PLEKHM3: variants seen among roughly 807,000 people sequenced by gnomAD.
PLEKHM3 encodes pleckstrin homology domain-containing family M member 3.
Under a neutral mutation model 81.8 loss-of-function variants are expected in PLEKHM3, and 45 were observed. The ratio of observed to expected loss-of-function variants is 0.55; its 90% confidence interval spans 0.43 to 0.71. PLEKHM3 has a LOEUF of 0.71. Ranked by LOEUF, PLEKHM3 falls within the 30% of genes least tolerant of loss-of-function variation. PLEKHM3 has a pLI of 0.00. For missense variants in PLEKHM3, 788 were observed against 924.3 expected (o/e 0.85, Z 1.91); for synonymous variants, 352 against 356.4 (o/e 0.99, Z 0.14).
intron 6 of PLEKHM3, among the ~76,000 whole-genome samples, chr2:207,867,164 G>A (rs115335545): frequency 6.6e-6 from 1 of 152,210 alleles, no homozygotes; most frequent in Non-Finnish European, 1.5e-5. Context: ...AGGTTGTCTT[G>A]TGTCGCAAAC....
chr2:207,899,548 C>T (rs982372262), intron 6 of PLEKHM3, among the ~76,000 whole-genome samples: 4 of 152,198 alleles, frequency 2.6e-5, no homozygotes, highest in South Asian at 2.1e-4. Context: ...AAACACCCAG[C>T]GAGGGGCTTG....
chr2:207,923,905 A>ATATATATAT (rs1396762429), intron 5 of PLEKHM3, among the ~76,000 whole-genome samples: 8 of 28,346 alleles, frequency 2.8e-4, no homozygotes, highest in South Asian at 1.7e-3. Flanking sequence ...ATATATATAT[A>ATATATATAT]TTTTTTTTTT....
chr2:207,998,014 G>A (rs1271613367), intron 2 of PLEKHM3, among the ~76,000 whole-genome samples: 2 of 152,114 alleles, frequency 1.3e-5, no homozygotes, highest in Non-Finnish European at 1.5e-5. Context: ...TGAGAATACC[G>A]GCCTCAGAAT....
intron 7 of PLEKHM3, among the ~76,000 whole-genome samples, chr2:207,829,673 G>C (rs1271711679): frequency 1.3e-5 from 2 of 152,114 alleles, no homozygotes; most frequent in African/African-American, 2.4e-5. Context: ...CTTCCACGAG[G>C]GTAACAGGCA....
At position 207,935,418 on chromosome 2, in the gene PLEKHM3, C is replaced by T. The variant is rs576151088; in HGVS notation, c.1693-4299G>A. On this transcript the variant is annotated intron_variant, in intron 4 of 7. Transcript: ENST00000427836. ...CCCACTCACCAACCAGAAGAAAGGG[C>T]GTCTTTCTCTACCTTGCTGCATCCT... Among the ~76,000 whole-genome samples, 43 of 152,302 alleles carry T rather than the reference C, an allele frequency of 2.8e-4. No homozygotes were observed. In the South Asian group the frequency reaches 2.9e-3, roughly 10 times the overall value.
intron 1 of PLEKHM3, among the ~76,000 whole-genome samples, chr2:208,022,767 A>G (rs1035527732): frequency 6.6e-6 from 1 of 152,216 alleles, no homozygotes; most frequent in Non-Finnish European, 1.5e-5. Context: ...CCACCCAGAA[A>G]ATCTCACCAT....
At chr2:207,841,886 T>C (rs963170108) in intron 7 of PLEKHM3, among the ~76,000 whole-genome samples, 2 of 152,154 alleles carry the variant, frequency 1.3e-5, no homozygotes, top group Admixed American at 6.5e-5. Context: ...GAAGTTAAAT[T>C]CTATATAATT....
At chr2:207,953,161 G>A (rs901885201) in intron 3 of PLEKHM3, among the ~76,000 whole-genome samples, 28 of 106,332 alleles carry the variant, frequency 2.6e-4, no homozygotes, top group Non-Finnish European at 4.9e-4. Flanking sequence ...TTGCTAATGC[G>A]GATAGTATGG....
In PLEKHM3 at chr2:207,978,158, C is replaced by T. The variant is rs980469958; in HGVS notation, c.611-572G>A. Among the ~76,000 whole-genome samples the T allele has an allele frequency of 8.1e-5, 10 of 123,492 alleles. No individual in the cohort carries two copies. In the South Asian group the frequency reaches 9.0e-4, roughly 11 times the overall value. The allele number at this position is 123,492 out of a possible 152,430, so 81.0% of individuals were successfully genotyped here. ...ACAAGAATAAGTATGGGGCATGGAACGTGCAACATCAACGGAGCGTGCAAC... is the reference window on the plus strand; with the variant it reads ...ACAAGAATAAGTATGGGGCATGGAATGTGCAACATCAACGGAGCGTGCAAC... On this transcript the variant is annotated intron_variant, in intron 2 of 7. Transcript: ENST00000427836.
chr2:207,868,062 A>T lies in PLEKHM3; in HGVS notation c.1951-6800T>A, dbSNP rs151046723. Among the ~76,000 whole-genome samples, 1,103 of 152,292 alleles carry T rather than the reference A, an allele frequency of 7.2e-3. 11 individuals carry two copies. Among genetic ancestry groups the T allele is most frequent in the African/African-American group, 0.025 (1,039 of 41,560 alleles). On this transcript the variant is annotated intron_variant, in intron 6 of 7. Coordinates refer to ENST00000427836, the MANE Select transcript of PLEKHM3 (RefSeq NM_001080475.3). ...TACACAACAGTGAGAAAAGTCAGACATTTGAACTCTGCTATGTCAACCCTA... is the reference window on the plus strand; with the variant it reads ...TACACAACAGTGAGAAAAGTCAGACTTTTGAACTCTGCTATGTCAACCCTA...
At chr2:207,974,497 G>C (rs1255472379) in intron 3 of PLEKHM3, among the ~76,000 whole-genome samples, 3 of 152,090 alleles carry the variant, frequency 2.0e-5, no homozygotes, top group Non-Finnish European at 2.9e-5. Flanking sequence ...TCTTGATTCA[G>C]CTACTCCAAT....
intron 7 of PLEKHM3, among the ~76,000 whole-genome samples, chr2:207,838,817 A>G (rs2092334136): frequency 6.6e-6 from 1 of 152,174 alleles, no homozygotes. Context: ...CATTTCTACC[A>G]TTTCTGGGAA....
chr2:207,877,933 T>C (rs2092567329), intron 6 of PLEKHM3, among the ~76,000 whole-genome samples: 2 of 152,114 alleles, frequency 1.3e-5, no homozygotes, highest in African/African-American at 4.8e-5. Context: ...GTCACTGCTC[T>C]AGGCTTTTAT....
chr2:207,930,153 T>C (rs1330652436), intron 5 of PLEKHM3, among the ~76,000 whole-genome samples: 2 of 152,244 alleles, frequency 1.3e-5, no homozygotes, highest in Non-Finnish European at 2.9e-5. Flanking sequence ...CTATGAACTA[T>C]GAGCTAACTA....
chr2:207,957,472 G>A (rs1433180633), intron 3 of PLEKHM3, among the ~76,000 whole-genome samples: 1 of 152,230 alleles, frequency 6.6e-6, no homozygotes, highest in African/African-American at 2.4e-5. Flanking sequence ...GCCGAGGCGG[G>A]TGGATCATTA....
chr2:207,998,191 G>A (rs891239699), intron 2 of PLEKHM3, among the ~76,000 whole-genome samples: 3 of 152,268 alleles, frequency 2.0e-5, no homozygotes, highest in East Asian at 3.9e-4. Flanking sequence ...ACTCACATTC[G>A]CTATCTCCTG....
At chr2:207,963,377 G>C (rs767692272) in intron 3 of PLEKHM3, among the ~76,000 whole-genome samples, 2 of 152,178 alleles carry the variant, frequency 1.3e-5, no homozygotes, top group African/African-American at 4.8e-5. Flanking sequence ...GGGTCATTAA[G>C]GATGCTGGTC....
intron 1 of PLEKHM3, among the ~76,000 whole-genome samples, chr2:208,004,308 G>A (rs750289967): frequency 1.3e-5 from 2 of 152,010 alleles, no homozygotes; most frequent in Admixed American, 6.6e-5. Flanking sequence ...CCAGCTACTC[G>A]GGAGGCTGAG....
chr2:207,969,304 C>G (rs1284898702), intron 3 of PLEKHM3, among the ~76,000 whole-genome samples: 1 of 152,182 alleles, frequency 6.6e-6, no homozygotes, highest in Non-Finnish European at 1.5e-5. Context: ...TTAAGAATTG[C>G]TATTCTACAT....
Sources: allele counts gnomAD v4.1 joint callset (sites outside exome capture counted in the v4.1 genomes callset), GRCh38; gene constraint gnomAD v4.1.1; transcripts MANE v1.5; gene names NCBI Gene and HGNC (gene_info 2026-07-23, HGNC 2026-07-21).